Variants in WDR35 observed in about 807,000 individuals in gnomAD.
The protein encoded by WDR35 is WD repeat domain 35.
In WDR35, 118 loss-of-function variants were observed where a neutral mutation model predicts 158.3. The observed-to-expected ratio is 0.75, with a 90% CI of 0.64 to 0.87. The LOEUF (loss-of-function observed/expected upper bound fraction) is 0.87, where lower values mean the gene tolerates loss of function less well. WDR35 is among the 40% of genes least tolerant of loss of function. The probability of loss-of-function intolerance (pLI) is 0.00; values close to 1 mark genes in which losing one functional copy is unlikely to be tolerated. For synonymous variants in WDR35, 448 were observed against 476.1 expected (o/e 0.94, Z 0.77); for missense variants, 1,263 against 1,405.8 (o/e 0.90, Z 1.62).
chr2:19,989,058 C>T, intron 2 of WDR35, 107 bp downstream of exon 2: 1 of 1,028,942 alleles, frequency 9.7e-7, no homozygotes, highest in Non-Finnish European at 1.5e-6. Flanking sequence ...GTAGTTTTCC[C>T]TTTAAAATAA....
At position 19,914,091 on chromosome 2, in the gene WDR35, G is replaced by A. The variant is rs1178482453; in HGVS notation, c.3308C>T (p.Thr1103Ile). The A allele has an allele frequency of 3.7e-6, 6 of 1,614,144 alleles. No individual in the cohort carries two copies. The highest frequency in any genetic ancestry group is 4.2e-6 in the Non-Finnish European group (5 of 1,180,010). The change falls in exon 26 of 27, where the codon ACC becomes ATC. Residue 1103 changes from threonine (T) to isoleucine (I), a missense_variant. Physicochemically the swap from Thr to Ile is moderately conservative, Grantham distance 89. Transcript: ENST00000281405. ...QYEDLALEIF[T>I]KHTSKDNRKP... ...TCTGTTATCTTTTGAAGTATGTTTG[G>A]TGAAGATTTCTAAAGCAAGGTCTTC...
intron 2 of WDR35, 23 bp from the exon 3 acceptor site, chr2:19,982,557 A>C: frequency 6.2e-7 from 1 of 1,609,096 alleles, no homozygotes; most frequent in East Asian, 2.2e-5. Context: ...AAAACAAACT[A>C]CTATGATAAA....
chr2:19,945,642 TG>T, intron 16 of WDR35, 143 bp downstream of exon 16: 1 of 859,064 alleles, frequency 1.2e-6, no homozygotes, highest in Non-Finnish European at 1.8e-6. Context: ...TCCACAGAAA[TG>T]TTCCTATTTA....
intron 11 of WDR35, among the ~76,000 whole-genome samples, chr2:19,957,144 A>C: frequency 6.6e-6 from 1 of 152,184 alleles, no homozygotes. Flanking sequence ...AACTGCTCTT[A>C]ACTACTAGAG....
rs1280545309 is a variant in WDR35, at chr2:19,984,055, ACC to A, written c.143-1523_143-1522del. 3.4e-3 allele frequency among the ~76,000 whole-genome samples: 148 copies of A among 43,960 alleles called. 1 individual carries two copies. The highest frequency in any genetic ancestry group is 0.015 in the South Asian group (13 of 870). 28.8% of individuals were successfully genotyped at this position (43,960 alleles called of 152,430 possible). Reference sequence around the variant, plus strand: ...TATATATATATACATATATACACACACCCACATATTCTGATGTCACTATAACC... The same window carrying A: ...TATATATATATACATATATACACACACACATATTCTGATGTCACTATAACC... On this transcript the variant is annotated intron_variant, in intron 2 of 26. Coordinates refer to ENST00000281405, the MANE Select transcript of WDR35 (RefSeq NM_020779.4).
At chr2:19,957,471 A>G (rs564294729) in intron 11 of WDR35, among the ~76,000 whole-genome samples, 7 of 152,328 alleles carry the variant, frequency 4.6e-5, no homozygotes, top group African/African-American at 1.7e-4. Flanking sequence ...ACAAGAACAC[A>G]GCCAAGATGA....
intron 2 of WDR35, among the ~76,000 whole-genome samples, chr2:19,987,604 A>T (rs1672610078): frequency 1.3e-5 from 2 of 152,008 alleles, no homozygotes; most frequent in Admixed American, 6.6e-5. Context: ...TGGGTAGATC[A>T]CGAGGTCAGG....
chr2:19,986,284 C>G (rs1672563251), intron 2 of WDR35, among the ~76,000 whole-genome samples: 1 of 152,102 alleles, frequency 6.6e-6, no homozygotes, highest in African/African-American at 2.4e-5. Context: ...TGGAGACACC[C>G]ACGTCTGAAA....
At chr2:19,953,388 C>T (rs1014664988) in intron 12 of WDR35, among the ~76,000 whole-genome samples, 36 of 152,156 alleles carry the variant, frequency 2.4e-4, no homozygotes, top group African/African-American at 8.7e-4. Flanking sequence ...GTTCACCCCA[C>T]CTAAAGACTT....
chr2:19,932,257 A>G, intron 23 of WDR35, 26 bp downstream of exon 23: 1 of 1,612,538 alleles, frequency 6.2e-7, no homozygotes, highest in East Asian at 2.2e-5. Context: ...GAACAAATCA[A>G]CTATTCACCA....
chr2:19,913,408 T>C lies in WDR35; in HGVS notation c.*150A>G, dbSNP rs546670766. 63 of 894,724 alleles carry C rather than the reference T, an allele frequency of 7.0e-5. No individual in the cohort carries two copies. The highest frequency in any genetic ancestry group is 1.0e-4 in the African/African-American group (6 of 58,900). 55.4% of individuals were successfully genotyped at this position (894,724 alleles called of 1,614,324 possible). On this transcript the variant is annotated 3_prime_UTR_variant, in exon 27 of 27. Transcript: ENST00000281405. ...TTGTATTGCCATAAAAATTATTTTA[T>C]TAACATATATTTTGTGCAAAAATTC...
Position 19,945,825 on chromosome 2 carries a change from C to T in WDR35, c.1806G>A (p.Glu602=), listed in dbSNP as rs149125542. The T allele has an allele frequency of 3.7e-6, 6 of 1,613,916 alleles. No homozygotes were observed. In the African/African-American group the frequency reaches 8.0e-5, roughly 22 times the overall value. Residue 602 remains glutamate (E), a synonymous_variant, in exon 16 of 27, where the codon GAG becomes GAA. Coordinates refer to ENST00000281405, the MANE Select transcript of WDR35 (RefSeq NM_020779.4). ...KDNPDLFAMM[E]KTRMYVFRNL... is the part of the protein sequence containing the mutation. ...TTCTGAAAACATACATTCTTGTCTT[C>T]TCCATCATTGCAAACAAATCAGGAT...
At position 19,972,455 on chromosome 2, in the gene WDR35, C is replaced by G. The variant is rs1227045161; in HGVS notation, c.882+1108G>C. The stretch of plus-strand genomic sequence containing the variant: ...TTATGATAAATAAGTAAATGGCAAC[C>G]AACAAAAATAACCAATAAAGAACAA... On this transcript the variant is annotated intron_variant, in intron 8 of 26. Coordinates refer to ENST00000281405, the MANE Select transcript of WDR35 (RefSeq NM_020779.4). Among the ~76,000 whole-genome samples, 9 of 151,834 alleles carry G rather than the reference C, an allele frequency of 5.9e-5. No individual in the cohort carries two copies. The East Asian group carries it at 1.5e-3, about 26-fold the overall frequency.
At chr2:19,967,939 C>T (rs1311096798) in intron 9 of WDR35, among the ~76,000 whole-genome samples, 1 of 152,188 alleles carries the variant, frequency 6.6e-6, no homozygotes, top group Non-Finnish European at 1.5e-5. Context: ...AATGTCCTTT[C>T]ACTATTCCAG....
At chr2:19,947,667 T>C (rs1021133262) in intron 14 of WDR35, among the ~76,000 whole-genome samples, 2 of 152,246 alleles carry the variant, frequency 1.3e-5, no homozygotes, top group Admixed American at 1.3e-4. Flanking sequence ...GCCAAAGCAC[T>C]TTCTCCAACA....
At position 19,913,432 on chromosome 2, in the gene WDR35, T is replaced by C; in HGVS notation, c.*126A>G. 7.9e-7 allele frequency: 1 copy of C among 1,267,958 alleles called. No individual in the cohort carries two copies. Among genetic ancestry groups the C allele is most frequent in the Non-Finnish European group, 1.1e-6 (1 of 917,212 alleles). 78.5% of individuals were successfully genotyped at this position (1,267,958 alleles called of 1,614,324 possible). A position where few individuals can be genotyped will look rare whatever the true frequency, so the allele number is the denominator to read the frequency against. Reference sequence around the variant, plus strand: ...ATTAACATATATTTTGTGCAAAAATTCAACTATAAATAATGAGGCTGATTT... The same window carrying C: ...ATTAACATATATTTTGTGCAAAAATCCAACTATAAATAATGAGGCTGATTT... On this transcript the variant is annotated 3_prime_UTR_variant, in exon 27 of 27. Transcript: ENST00000281405.
At chr2:19,961,893 C>T (rs1671673882) in intron 10 of WDR35, among the ~76,000 whole-genome samples, 1 of 152,182 alleles carries the variant, frequency 6.6e-6, no homozygotes, top group African/African-American at 2.4e-5. Context: ...GGCAATTTTG[C>T]TAGAGTTTTG....
intron 25 of WDR35, among the ~76,000 whole-genome samples, chr2:19,919,486 T>C (rs1558321182): frequency 6.6e-6 from 1 of 151,796 alleles, no homozygotes; most frequent in Non-Finnish European, 1.5e-5. Context: ...GAATGACTAC[T>C]GGGCAAATAA....
At position 19,928,389 on chromosome 2, in the gene WDR35, C is replaced by A. The variant is rs941882378; in HGVS notation, c.3121+2007G>T. 5.9e-5 allele frequency among the ~76,000 whole-genome samples: 9 copies of A among 152,192 alleles called. No individual in the cohort carries two copies. In the East Asian group the frequency reaches 1.7e-3, roughly 29 times the overall value. On this transcript the variant is annotated intron_variant, in intron 25 of 26. Coordinates refer to ENST00000281405, the MANE Select transcript of WDR35 (RefSeq NM_020779.4). ...CGTGGGTAAATCTCTGTTCGGGGCT[C>A]TCAGCTCTGAAGGTTGTGAGACCCC... is the stretch of plus-strand genomic sequence containing the variant.
Sources: gnomAD v4.1 joint callset for allele counts (sites outside exome capture counted in the v4.1 genomes callset) on GRCh38, gnomAD v4.1.1 for gene constraint, MANE v1.5 for transcripts, NCBI Gene and HGNC (gene_info 2026-07-23, HGNC 2026-07-21) for gene names.